SLC25A13: variants seen among roughly 807,000 people sequenced by gnomAD.
The protein encoded by SLC25A13 is electrogenic aspartate/glutamate antiporter SLC25A13, mitochondrial.
A neutral mutation model predicts 85.5 loss-of-function variants in SLC25A13; 70 were observed. The ratio of observed to expected loss-of-function variants is 0.82; its 90% CI spans 0.68 to 1.00. SLC25A13 has a LOEUF of 1.00. Among genes scored for constraint, SLC25A13 ranks in the 50% least tolerant of loss-of-function variants. The pLI is 0.00. For missense variants in SLC25A13, 765 were observed against 819.8 expected, an observed-to-expected ratio of 0.93 and a Z score of 0.82; for synonymous variants, 259 against 288.7, an observed-to-expected ratio of 0.90 and a Z score of 1.04.
intron 4 of SLC25A13, among the ~76,000 whole-genome samples, chr7:96,220,864 G>A (rs1796099292): frequency 3.3e-5 from 5 of 152,080 alleles, no homozygotes; most frequent in Admixed American, 3.3e-4. Flanking sequence ...CTCCCTGACA[G>A]GCTTCTAAGG....
intron 11 of SLC25A13, among the ~76,000 whole-genome samples, chr7:96,172,330 G>A (rs1479926635): frequency 1.3e-5 from 2 of 152,098 alleles, no homozygotes; most frequent in African/African-American, 2.4e-5. Flanking sequence ...GGCTGAGGAG[G>A]GTGGATCATC....
At chr7:96,125,865 A>T (rs1308610963) in intron 15 of SLC25A13, among the ~76,000 whole-genome samples, 1 of 150,700 alleles carries the variant, frequency 6.6e-6, no homozygotes, top group Non-Finnish European at 1.5e-5. Flanking sequence ...CAGTTCTTCT[A>T]TTACTTTTCA....
chr7:96,225,566 A>G (rs1456096405), intron 4 of SLC25A13, among the ~76,000 whole-genome samples: 1 of 151,852 alleles, frequency 6.6e-6, no homozygotes, highest in Non-Finnish European at 1.5e-5. Flanking sequence ...AAGAAAGAAA[A>G]AAAAAAGGAA....
At chr7:96,319,360 C>T (rs1800248423) in intron 1 of SLC25A13, among the ~76,000 whole-genome samples, 1 of 151,808 alleles carries the variant, frequency 6.6e-6, no homozygotes, top group South Asian at 2.1e-4. Flanking sequence ...CCAGCCTGGC[C>T]AACATGATGT....
intron 3 of SLC25A13, among the ~76,000 whole-genome samples, chr7:96,251,300 G>A (rs1442527982): frequency 6.6e-6 from 1 of 152,146 alleles, no homozygotes; most frequent in Non-Finnish European, 1.5e-5. Context: ...GGTAACGTAA[G>A]GAGAGAGTAC....
chr7:96,218,990 T>C (rs1796000636), intron 4 of SLC25A13, among the ~76,000 whole-genome samples: 1 of 152,178 alleles, frequency 6.6e-6, no homozygotes, highest in Non-Finnish European at 1.5e-5. Context: ...AATTCGTACA[T>C]TAAATAACAT....
intron 3 of SLC25A13, 40 bp from the exon 4 acceptor site, chr7:96,234,957 T>C: frequency 3.3e-6 from 5 of 1,496,462 alleles, no homozygotes; most frequent in Non-Finnish European, 4.6e-6. Flanking sequence ...GTCAGTAGCT[T>C]GTGGAAAACA....
intron 5 of SLC25A13, among the ~76,000 whole-genome samples, chr7:96,204,391 C>A (rs977209918): frequency 2.6e-5 from 4 of 152,010 alleles, no homozygotes; most frequent in African/African-American, 7.2e-5. Context: ...ATTGGCAAAG[C>A]AGGCTGGGCA....
At chr7:96,143,985 CTG>C (rs1488914645) in intron 14 of SLC25A13, among the ~76,000 whole-genome samples, 1 of 152,202 alleles carries the variant, frequency 6.6e-6, no homozygotes, top group Non-Finnish European at 1.5e-5. Context: ...TTTAAAAGTA[CTG>C]TGTGAGGTCA....
rs1554335351 is a variant in SLC25A13 at position 96,121,303 on chromosome 7, C to T, written c.1916G>A (p.Gly639Asp). 6.2e-7 allele frequency: 1 copy of T among 1,614,090 alleles called. No homozygotes were observed. The highest frequency in any genetic ancestry group is 1.3e-5 in the African/African-American group (1 of 75,016). ...AAATGTAGCAACTGCCAGTTTGTAGCCCCCAACGTGATCAGGATTCGGGGC... is the reference window on the plus strand; with the variant it reads ...AAATGTAGCAACTGCCAGTTTGTAGTCCCCAACGTGATCAGGATTCGGGGC... Reference protein sequence around the residue: ...LPAPNPDHVGGYKLAVATFAG... With the variant: ...LPAPNPDHVGDYKLAVATFAG... The change falls in exon 18 of 18, where the codon GGC becomes GAC. Residue 639 changes from glycine (G) to aspartate (D), a missense_variant. Gly to Asp is a moderately conservative substitution (Grantham distance 94). Coordinates refer to ENST00000265631, the MANE Select transcript of SLC25A13 (RefSeq NM_014251.3).
intron 11 of SLC25A13, among the ~76,000 whole-genome samples, chr7:96,180,173 G>A (rs928623020): frequency 6.6e-6 from 1 of 151,790 alleles, no homozygotes; most frequent in Non-Finnish European, 1.5e-5. Context: ...TAAAAAATGT[G>A]GTTTTTTTTT....
Position 96,121,034 on chromosome 7 carries a change from A to C in SLC25A13, c.*157T>G. 1.2e-6 allele frequency: 1 copy of C among 841,556 alleles called. No individual in the cohort carries two copies. The highest frequency in any genetic ancestry group is 2.0e-6 in the Non-Finnish European group (1 of 510,488). 52.1% of individuals were successfully genotyped at this position (841,556 alleles called of 1,614,324 possible). On this transcript the variant is annotated 3_prime_UTR_variant, in exon 18 of 18. Coordinates refer to ENST00000265631, the MANE Select transcript of SLC25A13 (RefSeq NM_014251.3). ...TTCACAATGATCTGGTTAAGAAAAC[A>C]CCCAGAAAATGAATGATTTCACATG...
intron 14 of SLC25A13, among the ~76,000 whole-genome samples, chr7:96,133,997 C>T (rs926258711): frequency 1.3e-5 from 2 of 150,500 alleles, no homozygotes; most frequent in African/African-American, 4.9e-5. Flanking sequence ...AAACTAAAAC[C>T]AAGCTTTTAG....
chr7:96,168,317 CTG>C (rs1793857899), intron 13 of SLC25A13, among the ~76,000 whole-genome samples: 1 of 151,956 alleles, frequency 6.6e-6, no homozygotes, highest in South Asian at 2.1e-4. Context: ...CTAAGGACCA[CTG>C]TCTACCTCTT....
chr7:96,317,832 C>T (rs1162832062), intron 1 of SLC25A13, among the ~76,000 whole-genome samples: 2 of 139,232 alleles, frequency 1.4e-5, no homozygotes, highest in Non-Finnish European at 3.1e-5. Context: ...GACAGGATCT[C>T]GTTCTGTAAC....
At chr7:96,170,201 C>A in intron 12 of SLC25A13, 76 bp from the exon 13 acceptor site, 1 of 1,251,992 alleles carries the variant, frequency 8.0e-7, no homozygotes, top group South Asian at 1.2e-5. Context: ...ATGCATCTGT[C>A]AATATATGCT....
chr7:96,239,823 G>A (rs1796900159), intron 3 of SLC25A13, among the ~76,000 whole-genome samples: 1 of 152,170 alleles, frequency 6.6e-6, no homozygotes, highest in Non-Finnish European at 1.5e-5. Flanking sequence ...TAGAGCTGCT[G>A]TTCTCCTTCT....
chr7:96,228,393 TATAACCCATTAGGA>T, intron 4 of SLC25A13, among the ~76,000 whole-genome samples: 1 of 152,280 alleles, frequency 6.6e-6, no homozygotes, highest in Middle Eastern at 3.4e-3. Flanking sequence ...AAAAATGTCA[TATAACCCATTAGGA>T]ATCAGGGAAA....
chr7:96,165,905 A>G (rs974101417), intron 13 of SLC25A13, among the ~76,000 whole-genome samples: 1 of 152,238 alleles, frequency 6.6e-6, no homozygotes, highest in Non-Finnish European at 1.5e-5. Context: ...ACTGAATGTA[A>G]TGTATGAGAT....
Sources: gnomAD v4.1 joint callset for allele counts (sites outside exome capture counted in the v4.1 genomes callset) on GRCh38, gnomAD v4.1.1 for gene constraint, MANE v1.5 for transcripts, NCBI Gene and HGNC (gene_info 2026-07-23, HGNC 2026-07-21) for gene names.